The following SLC35F1 variants were observed in gnomAD, a reference collection of about 807,000 sequenced individuals.
The protein encoded by SLC35F1 is solute carrier family 35 member F1.
Under a neutral mutation model 48.7 loss-of-function variants are expected in SLC35F1, and 14 were observed. The observed-to-expected ratio is 0.29, with a 90% CI of 0.19 to 0.45. SLC35F1 has a LOEUF of 0.45. SLC35F1 is among the 20% of genes least tolerant of loss of function. The pLI, the probability that SLC35F1 is intolerant of heterozygous loss-of-function variation, is 1.00. For missense variants in SLC35F1, 404 were observed against 500.0 expected (o/e 0.81, Z 1.83); for synonymous variants, 190 against 202.2 (o/e 0.94, Z 0.51).
intron 7 of SLC35F1, among the ~76,000 whole-genome samples, chr6:118,304,229 G>A (rs548014221): frequency 2.0e-5 from 3 of 152,212 alleles, no homozygotes; most frequent in Admixed American, 6.5e-5. Context: ...ATGTAATTAT[G>A]CATTATTAAA....
At chr6:118,219,393 A>C (rs1408401679) in intron 2 of SLC35F1, among the ~76,000 whole-genome samples, 1 of 152,208 alleles carries the variant, frequency 6.6e-6, no homozygotes, top group Non-Finnish European at 1.5e-5. Context: ...TACACACATG[A>C]AACATTAGAA....
chr6:117,939,784 G>A (rs1185954817), intron 1 of SLC35F1, among the ~76,000 whole-genome samples: 1 of 152,086 alleles, frequency 6.6e-6, no homozygotes, highest in African/African-American at 2.4e-5. Context: ...AATTAGGAGA[G>A]TTCTCCTTTT....
intron 2 of SLC35F1, among the ~76,000 whole-genome samples, chr6:118,232,578 G>GAAGC (rs1305503573): frequency 6.6e-6 from 1 of 150,382 alleles, no homozygotes; most frequent in Non-Finnish European, 1.5e-5. Context: ...AGGTGTTAAG[G>GAAGC]AAGCACACAG....
chr6:118,172,714 A>G (rs1445163371), intron 2 of SLC35F1, among the ~76,000 whole-genome samples: 2 of 152,176 alleles, frequency 1.3e-5, no homozygotes, highest in Non-Finnish European at 1.5e-5. Context: ...ACATATTTAT[A>G]TGCTTGGAGA....
intron 1 of SLC35F1, among the ~76,000 whole-genome samples, chr6:118,003,933 C>A (rs551843733): frequency 1.4e-4 from 21 of 152,110 alleles, no homozygotes; most frequent in Non-Finnish European, 2.4e-4. Flanking sequence ...TATCCTTATT[C>A]ATGAAGTAGG....
intron 1 of SLC35F1, among the ~76,000 whole-genome samples, chr6:118,059,308 G>A (rs1158912347): frequency 6.6e-6 from 1 of 152,156 alleles, no homozygotes. Flanking sequence ...AGTACAAAGG[G>A]GAAAATGGCA....
At chr6:118,187,485 T>C (rs205935) in intron 2 of SLC35F1, among the ~76,000 whole-genome samples, 19,304 of 152,206 alleles carry the variant, frequency 0.13, 3,262 homozygotes, top group African/African-American at 0.39. Flanking sequence ...CTTTTGGTCA[T>C]GACAAGACTT....
chr6:118,122,587 A>T (rs1240492549), intron 1 of SLC35F1, among the ~76,000 whole-genome samples: 6 of 152,228 alleles, frequency 3.9e-5, no homozygotes, highest in Non-Finnish European at 8.8e-5. Flanking sequence ...CGCGTTTAGT[A>T]TACTACCTTG....
intron 2 of SLC35F1, among the ~76,000 whole-genome samples, chr6:118,220,910 C>T (rs1775138349): frequency 6.6e-6 from 1 of 152,158 alleles, no homozygotes; most frequent in African/African-American, 2.4e-5. Flanking sequence ...AGGATAGAGT[C>T]ATTCTCTGGC....
At position 118,034,886 on chromosome 6, in the gene SLC35F1, G is replaced by T. The variant is rs9481760; in HGVS notation, c.174-119559G>T. Among the ~76,000 whole-genome samples, 613 of 152,110 alleles carry T rather than the reference G, an allele frequency of 4.0e-3. 5 individuals carry two copies. Among genetic ancestry groups the T allele is most frequent in the African/African-American group, 0.014 (569 of 41,510 alleles). ...TGTTCTTACTCAAGTTTTGATGTTG[G>T]GTTATACTGGCCTTGTAAAACTAGT... On this transcript the variant is annotated intron_variant, in intron 1 of 7. Coordinates refer to ENST00000360388, the MANE Select transcript of SLC35F1 (RefSeq NM_001029858.4).
chr6:118,244,513 A>C (rs1775483135), intron 3 of SLC35F1, among the ~76,000 whole-genome samples: 1 of 152,402 alleles, frequency 6.6e-6, no homozygotes, highest in African/African-American at 2.4e-5. Flanking sequence ...GGGAAGGGCT[A>C]GTAACTTTGG....
intron 1 of SLC35F1, among the ~76,000 whole-genome samples, chr6:118,144,991 C>T (rs1773950504): frequency 6.6e-6 from 1 of 151,620 alleles, no homozygotes. Context: ...TACAATTTAC[C>T]CATTTAAAGT....
intron 1 of SLC35F1, among the ~76,000 whole-genome samples, chr6:118,046,900 T>G (rs1772309587): frequency 6.6e-6 from 1 of 152,074 alleles, no homozygotes; most frequent in Non-Finnish European, 1.5e-5. Context: ...ATTTCTCAAT[T>G]TTAACATATA....
At chr6:117,978,851 A>C (rs1017927748) in intron 1 of SLC35F1, among the ~76,000 whole-genome samples, 7 of 152,170 alleles carry the variant, frequency 4.6e-5, no homozygotes, top group African/African-American at 1.7e-4. Flanking sequence ...ATTATTCTTC[A>C]TGTGTCTGAA....
At chr6:118,078,699 T>C (rs369506198) in intron 1 of SLC35F1, among the ~76,000 whole-genome samples, 1 of 152,292 alleles carries the variant, frequency 6.6e-6, no homozygotes, top group East Asian at 1.9e-4. Context: ...TCTTGTAACA[T>C]AGGGTCTCCT....
At chr6:118,239,330 C>T (rs1775406618) in intron 3 of SLC35F1, among the ~76,000 whole-genome samples, 1 of 150,752 alleles carries the variant, frequency 6.6e-6, no homozygotes. Flanking sequence ...GGTCCTTTAT[C>T]TATATTTAGA....
chr6:118,009,074 G>C (rs746074253), intron 1 of SLC35F1, among the ~76,000 whole-genome samples: 2 of 152,120 alleles, frequency 1.3e-5, no homozygotes, highest in Non-Finnish European at 2.9e-5. Context: ...TCTATGTCCA[G>C]TTAACGAGCA....
In SLC35F1 at chr6:118,256,205, GGTGTGTGTGTGTGT is replaced by G. The variant is rs71554895; in HGVS notation, c.478-10754_478-10741del. Among the ~76,000 whole-genome samples, 182 of 143,216 alleles carry G rather than the reference GGTGTGTGTGTGTGT, an allele frequency of 1.3e-3. 2 individuals are homozygous for G. The highest frequency in any genetic ancestry group is 4.5e-3 in the African/African-American group (167 of 37,416). The allele number at this position is 143,216 out of a possible 152,430, so 94.0% of individuals were successfully genotyped here. Reference sequence around the variant, plus strand: ...GCCTGTCAGCTTAAAGAAGACTTCTGGTGTGTGTGTGTGTGTGTGTGTGTGTGTGTGTGTGTGTG... The same window carrying G: ...GCCTGTCAGCTTAAAGAAGACTTCTGGTGTGTGTGTGTGTGTGTGTGTGTG... On this transcript the variant is annotated intron_variant, in intron 3 of 7. Coordinates refer to ENST00000360388, the MANE Select transcript of SLC35F1 (RefSeq NM_001029858.4).
At chr6:117,930,117 A>C (rs1776081620) in intron 1 of SLC35F1, among the ~76,000 whole-genome samples, 1 of 152,192 alleles carries the variant, frequency 6.6e-6, no homozygotes, top group African/African-American at 2.4e-5. Flanking sequence ...TCTATAGAGC[A>C]GATATTAGTT....
Sources: allele counts gnomAD v4.1 joint callset (sites outside exome capture counted in the v4.1 genomes callset), GRCh38; gene constraint gnomAD v4.1.1; transcripts MANE v1.5; gene names NCBI Gene and HGNC (gene_info 2026-07-23, HGNC 2026-07-21).